The following ASH1L variants were observed in gnomAD, a reference collection of about 807,000 sequenced individuals.
ASH1L encodes ASH1 like histone lysine methyltransferase.
ASH1L carries 23 observed loss-of-function variants against 269.0 expected under a neutral mutation model. That is an observed-to-expected ratio of 0.09 (90% confidence interval 0.06 to 0.12). ASH1L has a LOEUF of 0.12. Among genes scored for constraint, ASH1L ranks in the 10% least tolerant of loss-of-function variants. The pLI, the probability that ASH1L is intolerant of heterozygous loss-of-function variation, is 1.00. For missense variants in ASH1L, 2,912 were observed against 3,567.8 expected, an observed-to-expected ratio of 0.82 and a Z score of 4.68; for synonymous variants, 1,187 against 1,253.5, an observed-to-expected ratio of 0.95 and a Z score of 1.12.
intron 3 of ASH1L, among the ~76,000 whole-genome samples, chr1:155,472,158 G>A (rs1665152988): frequency 6.6e-6 from 1 of 152,104 alleles, no homozygotes; most frequent in African/African-American, 2.4e-5. Context: ...AAATGTGGTG[G>A]TGCACTTCTG....
At chr1:155,521,944 C>A (rs894659441) in intron 1 of ASH1L, among the ~76,000 whole-genome samples, 2 of 152,130 alleles carry the variant, frequency 1.3e-5, no homozygotes, top group African/African-American at 4.8e-5. Context: ...TATTTTCGCA[C>A]TCATCAGTTT....
At chr1:155,441,519 G>A (rs1662572920) in intron 4 of ASH1L, among the ~76,000 whole-genome samples, 1 of 127,448 alleles carries the variant, frequency 7.8e-6, no homozygotes, top group Admixed American at 1.0e-4. Flanking sequence ...CTGGAGTGCA[G>A]TGGCATGAAC....
chr1:155,379,578 G>C (rs1221192970), intron 8 of ASH1L, among the ~76,000 whole-genome samples: 1 of 152,168 alleles, frequency 6.6e-6, no homozygotes, highest in African/African-American at 2.4e-5. Flanking sequence ...TATATTTAAA[G>C]ATTTTTTAAA....
intron 1 of ASH1L, among the ~76,000 whole-genome samples, chr1:155,530,881 T>C (rs1558197799): frequency 6.6e-6 from 1 of 152,050 alleles, no homozygotes; most frequent in Admixed American, 6.6e-5. Flanking sequence ...CACTGTACTC[T>C]AGCCCGGGCA....
At position 155,545,794 on chromosome 1, in the gene ASH1L, G is replaced by A. The variant is rs1332997879; in HGVS notation, c.-100+16359C>T. 3.3e-5 allele frequency among the ~76,000 whole-genome samples: 5 copies of A among 152,260 alleles called. 1 individual carries two copies. The highest frequency in any genetic ancestry group is 6.8e-3 in the Middle Eastern group (2 of 294). On this transcript the variant is annotated intron_variant, in intron 1 of 27. Transcript: ENST00000392403. The stretch of plus-strand genomic sequence containing the variant: ...CCAGCACTTTGGGAGGCTGAGGCAG[G>A]TGAATCACTTAAGGTCAAGAGTTTG...
chr1:155,457,667 C>G (rs1018748548), intron 4 of ASH1L, among the ~76,000 whole-genome samples: 3 of 152,134 alleles, frequency 2.0e-5, no homozygotes, highest in African/African-American at 7.2e-5. Flanking sequence ...GTGAATATGT[C>G]TGAATTATTG....
chr1:155,524,783 T>A (rs1669125736), intron 1 of ASH1L, among the ~76,000 whole-genome samples: 1 of 152,016 alleles, frequency 6.6e-6, no homozygotes, highest in Non-Finnish European at 1.5e-5. Context: ...GAGGTTACAC[T>A]GAGCCGTGAT....
chr1:155,481,768 C>A lies in ASH1L; in HGVS notation c.1102G>T (p.Val368Phe). The change falls in exon 3 of 28, where the codon GTT becomes TTT. Residue 368 changes from valine to phenylalanine, a missense_variant. By Grantham distance (50) the Val-to-Phe change is conservative. Coordinates refer to ENST00000392403, the MANE Select transcript of ASH1L (RefSeq NM_018489.3). ...KLGLGTVVGL[V>F]NKDLGKKLGS... ...AATTTCTTTCCCAAATCTTTATTAA[C>A]CAGTCCAACCACAGTGCCAAGTCCT... 6.2e-7 allele frequency: 1 copy of A among 1,614,196 alleles called. No individual in the cohort carries two copies. Among genetic ancestry groups the A allele is most frequent in the Non-Finnish European group, 8.5e-7 (1 of 1,180,024 alleles).
chr1:155,466,780 T>A (rs146099308), intron 3 of ASH1L, among the ~76,000 whole-genome samples: 120 of 152,300 alleles, frequency 7.9e-4, no homozygotes, highest in Non-Finnish European at 1.5e-3. Context: ...CACCCCACCC[T>A]GCTACTGAAC....
intron 3 of ASH1L, among the ~76,000 whole-genome samples, chr1:155,466,923 T>C (rs1001475242): frequency 6.6e-6 from 1 of 152,138 alleles, no homozygotes; most frequent in East Asian, 1.9e-4. Flanking sequence ...ATTCTTTGCT[T>C]CAATCTATAT....
intron 6 of ASH1L, among the ~76,000 whole-genome samples, chr1:155,396,623 G>A (rs1375351342): frequency 2.0e-5 from 3 of 151,756 alleles, no homozygotes; most frequent in South Asian, 4.2e-4. Context: ...AAGTTCCAGT[G>A]AATAAGACAA....
chr1:155,482,485 T>G (rs761635364), intron 2 of ASH1L, 36 bp from the exon 3 acceptor site: 2 of 1,567,802 alleles, frequency 1.3e-6, no homozygotes, highest in African/African-American at 2.7e-5. Context: ...AAAGAGGGAG[T>G]AAACCTTACA....
chr1:155,444,077 G>A (rs890418109), intron 4 of ASH1L, among the ~76,000 whole-genome samples: 24 of 144,106 alleles, frequency 1.7e-4, no homozygotes, highest in Non-Finnish European at 3.1e-4. Context: ...TCTGCCTCCC[G>A]GGTTCAAGTG....
At chr1:155,359,107 G>A (rs1024246147) in intron 13 of ASH1L, among the ~76,000 whole-genome samples, 2 of 152,062 alleles carry the variant, frequency 1.3e-5, no homozygotes, top group African/African-American at 2.4e-5. Flanking sequence ...GCCACAGAAC[G>A]AGATCCTGTC....
chr1:155,472,907 AGCTACCCAAG>A (rs1665215758), intron 3 of ASH1L, among the ~76,000 whole-genome samples: 1 of 152,216 alleles, frequency 6.6e-6, no homozygotes. Context: ...AGTTCCTCAG[AGCTACCCAAG>A]GCTGTTTGTT....
At chr1:155,352,153 C>T (rs952926925) in intron 17 of ASH1L, among the ~76,000 whole-genome samples, 1 of 151,824 alleles carries the variant, frequency 6.6e-6, no homozygotes, top group African/African-American at 2.4e-5. Flanking sequence ...GTTTCATGTT[C>T]GGTGAGATGA....
chr1:155,410,113 T>C (rs1375466140), intron 6 of ASH1L, among the ~76,000 whole-genome samples: 1 of 151,252 alleles, frequency 6.6e-6, no homozygotes, highest in African/African-American at 2.4e-5. Flanking sequence ...AAAAAGTTCG[T>C]ATTATTTTCT....
chr1:155,548,074 C>G (rs1670950318), intron 1 of ASH1L, among the ~76,000 whole-genome samples: 1 of 152,120 alleles, frequency 6.6e-6, no homozygotes, highest in Non-Finnish European at 1.5e-5. Context: ...GAACAGAAAA[C>G]CAAACACCGC....
At chr1:155,423,969 C>A (rs28850118) in intron 5 of ASH1L, among the ~76,000 whole-genome samples, 1,571 of 152,288 alleles carry the variant, frequency 0.01, 31 homozygotes, top group African/African-American at 0.036. Flanking sequence ...CCATGATCCG[C>A]CTGCCTCGGC....
Sources: allele counts gnomAD v4.1 joint callset (sites outside exome capture counted in the v4.1 genomes callset), GRCh38; gene constraint gnomAD v4.1.1; transcripts MANE v1.5; gene names NCBI Gene and HGNC (gene_info 2026-07-23, HGNC 2026-07-21).